Variants in DNM3 observed in about 807,000 individuals in gnomAD.
DNM3 encodes the protein dynamin-3.
DNM3 carries 47 observed loss-of-function variants against 101.6 expected under a neutral mutation model. The ratio of observed to expected loss-of-function variants is 0.46; its 90% CI spans 0.37 to 0.59. The LOEUF is 0.59. DNM3 is among the 20% of genes least tolerant of loss of function. The pLI is 0.00. For synonymous variants in DNM3, 385 were observed against 387.9 expected, an observed-to-expected ratio of 0.99 and a Z score of 0.09; for missense variants, 849 against 1,085.7, an observed-to-expected ratio of 0.78 and a Z score of 3.06.
chr1:172,367,984 C>T (rs1169286258), intron 17 of DNM3, among the ~76,000 whole-genome samples: 1 of 151,834 alleles, frequency 6.6e-6, no homozygotes, highest in Non-Finnish European at 1.5e-5. Context: ...CTTTGCTTGG[C>T]TCTCATTCTT....
At chr1:172,116,743 T>C (rs1203795971) in intron 13 of DNM3, among the ~76,000 whole-genome samples, 1 of 152,228 alleles carries the variant, frequency 6.6e-6, no homozygotes, top group Non-Finnish European at 1.5e-5. Flanking sequence ...CTTCTCAGCA[T>C]TTTTAATAGA....
chr1:172,070,953 T>G (rs1031657526), intron 11 of DNM3, among the ~76,000 whole-genome samples: 1 of 150,620 alleles, frequency 6.6e-6, no homozygotes, highest in Non-Finnish European at 1.5e-5. Flanking sequence ...CTGGGCACGG[T>G]GGCCTGCACT....
chr1:172,346,140 A>AAAT (rs1229666781), intron 17 of DNM3, among the ~76,000 whole-genome samples: 1 of 150,806 alleles, frequency 6.6e-6, no homozygotes, highest in East Asian at 2.0e-4. Flanking sequence ...AAAAAAAAAA[A>AAAT]AAGAAAGAAA....
intron 1 of DNM3, among the ~76,000 whole-genome samples, chr1:171,867,384 C>T (rs903298121): frequency 5.9e-5 from 9 of 152,194 alleles, no homozygotes; most frequent in Admixed American, 2.0e-4. Flanking sequence ...GCTGTTCGTG[C>T]TTCAAACCTC....
intron 4 of DNM3, among the ~76,000 whole-genome samples, chr1:172,000,369 C>A (rs571885555): frequency 3.2e-4 from 48 of 152,060 alleles, no homozygotes; most frequent in Non-Finnish European, 6.5e-4. Context: ...CCAGTAACAG[C>A]TAGATTGCTC....
rs186206649 is a variant in DNM3, at chr1:172,197,793, C to T, written c.1660-55780C>T. Among the ~76,000 whole-genome samples, 10 of 152,112 alleles carry T rather than the reference C, an allele frequency of 6.6e-5. No individual in the cohort carries two copies. The East Asian group carries it at 1.7e-3, about 26-fold the overall frequency. The stretch of plus-strand genomic sequence containing the variant: ...CAAATTTGCTGAAGTTGTTTCTCAG[C>T]TGGAAGTGCTTTTGGGCTGAGACTC... On this transcript the variant is annotated intron_variant, in intron 14 of 20. Coordinates refer to ENST00000627582, the MANE Select transcript of DNM3 (RefSeq NM_015569.5).
At chr1:171,964,146 T>C (rs2043408086) in intron 2 of DNM3, among the ~76,000 whole-genome samples, 1 of 152,198 alleles carries the variant, frequency 6.6e-6, no homozygotes, top group South Asian at 2.1e-4. Context: ...GAAATGGCCC[T>C]GCAAAGCTGT....
chr1:172,366,059 G>T (rs75000135), intron 17 of DNM3, among the ~76,000 whole-genome samples: 9,166 of 151,682 alleles, frequency 0.06, 362 homozygotes, highest in East Asian at 0.12. Flanking sequence ...ACAAGACCTT[G>T]TCTCTTAAAA....
At chr1:171,914,976 A>G (rs1179883866) in intron 1 of DNM3, among the ~76,000 whole-genome samples, 1 of 152,058 alleles carries the variant, frequency 6.6e-6, no homozygotes, top group Non-Finnish European at 1.5e-5. Flanking sequence ...CTGAGTGTTG[A>G]AGATTTAGGG....
At chr1:171,896,972 C>T (rs1287098899) in intron 1 of DNM3, among the ~76,000 whole-genome samples, 1 of 152,142 alleles carries the variant, frequency 6.6e-6, no homozygotes, top group African/African-American at 2.4e-5. Context: ...TCTCTCATTT[C>T]ATTTTCTGAA....
At chr1:171,993,011 C>A (rs945154440) in intron 4 of DNM3, among the ~76,000 whole-genome samples, 1 of 151,962 alleles carries the variant, frequency 6.6e-6, no homozygotes, top group Non-Finnish European at 1.5e-5. Context: ...CCCTCCCCTT[C>A]CTATGTGCTA....
At chr1:172,002,772 G>C (rs563003905) in intron 4 of DNM3, among the ~76,000 whole-genome samples, 1 of 152,182 alleles carries the variant, frequency 6.6e-6, no homozygotes, top group African/African-American at 2.4e-5. Context: ...ACTTGAATGT[G>C]AATGTGTGAG....
At chr1:172,106,480 C>T (rs1381664973) in intron 13 of DNM3, among the ~76,000 whole-genome samples, 2 of 151,886 alleles carry the variant, frequency 1.3e-5, no homozygotes, top group African/African-American at 4.8e-5. Flanking sequence ...GAGAGGATAC[C>T]TAATGGGTAC....
intron 17 of DNM3, among the ~76,000 whole-genome samples, chr1:172,363,241 A>G (rs1223820876): frequency 6.6e-6 from 1 of 151,884 alleles, no homozygotes; most frequent in Non-Finnish European, 1.5e-5. Flanking sequence ...AAAGATTTCT[A>G]AATCTACATT....
intron 2 of DNM3, among the ~76,000 whole-genome samples, chr1:171,955,458 G>A (rs1164407368): frequency 6.6e-6 from 1 of 152,124 alleles, no homozygotes; most frequent in Non-Finnish European, 1.5e-5. Context: ...GCATCAGAGA[G>A]GAATATGAGA....
intron 1 of DNM3, among the ~76,000 whole-genome samples, chr1:171,905,603 A>C (rs1056012111): frequency 6.6e-6 from 1 of 152,140 alleles, no homozygotes; most frequent in African/African-American, 2.4e-5. Flanking sequence ...GGGGAGGAAA[A>C]TAGCTAAAAA....
At chr1:171,955,316 CAAAGAGAATATGATTCCCT>C (rs560487293) in intron 2 of DNM3, among the ~76,000 whole-genome samples, 168 of 152,234 alleles carry the variant, frequency 1.1e-3, no homozygotes, top group African/African-American at 3.9e-3. Flanking sequence ...TTCATCATTT[CAAAGAGAATATGATTCCCT>C]AAAATATAGT....
chr1:172,302,451 C>A (rs2064510529), intron 15 of DNM3, among the ~76,000 whole-genome samples: 1 of 152,220 alleles, frequency 6.6e-6, no homozygotes, highest in Non-Finnish European at 1.5e-5. Context: ...GGGCATAGTT[C>A]AACAAAAGGC....
At chr1:172,159,352 C>T (rs1326100970) in intron 14 of DNM3, among the ~76,000 whole-genome samples, 1 of 151,902 alleles carries the variant, frequency 6.6e-6, no homozygotes, top group African/African-American at 2.4e-5. Flanking sequence ...TGTGTTTCTG[C>T]TACAGCAAGT....
Sources: allele counts gnomAD v4.1 joint callset (sites outside exome capture counted in the v4.1 genomes callset), GRCh38; gene constraint gnomAD v4.1.1; transcripts MANE v1.5; gene names NCBI Gene and HGNC (gene_info 2026-07-23, HGNC 2026-07-21).